Variants in DGKI observed in about 807,000 individuals in gnomAD.
DGKI encodes diacylglycerol kinase iota.
DGKI carries 55 observed loss-of-function variants against 147.5 expected under a neutral mutation model. That is an observed-to-expected ratio of 0.37 (90% CI 0.30 to 0.47). The LOEUF (loss-of-function observed/expected upper bound fraction) is 0.47, where lower values mean the gene tolerates loss of function less well. Among genes scored for constraint, DGKI ranks in the 20% least tolerant of loss-of-function variants. The probability of loss-of-function intolerance (pLI) is 1.00; values close to 1 mark genes in which losing one functional copy is unlikely to be tolerated. For missense variants in DGKI, 1,007 were observed against 1,323.8 expected, an observed-to-expected ratio of 0.76 and a Z score of 3.71; for synonymous variants, 469 against 477.1, an observed-to-expected ratio of 0.98 and a Z score of 0.22.
At chr7:137,659,736 T>G (rs1482656701) in intron 3 of DGKI, among the ~76,000 whole-genome samples, 1 of 152,130 alleles carries the variant, frequency 6.6e-6, no homozygotes, top group African/African-American at 2.4e-5. Context: ...ATCGAGACCA[T>G]CCTGGCTAAC....
At chr7:137,576,707 T>C (rs1818991417) in intron 17 of DGKI, among the ~76,000 whole-genome samples, 2 of 152,260 alleles carry the variant, frequency 1.3e-5, no homozygotes, top group Admixed American at 6.5e-5. Context: ...CTTGACCAGG[T>C]GGGAGAGTGA....
chr7:137,568,165 C>T (rs2128974325), intron 19 of DGKI, among the ~76,000 whole-genome samples: 1 of 152,268 alleles, frequency 6.6e-6, no homozygotes, highest in South Asian at 2.1e-4. Flanking sequence ...TGGCCCTTAC[C>T]CACATCTTTA....
At chr7:137,633,799 T>C (rs1184497472) in intron 6 of DGKI, among the ~76,000 whole-genome samples, 1 of 152,254 alleles carries the variant, frequency 6.6e-6, no homozygotes, top group East Asian at 1.9e-4. Flanking sequence ...GCAAGTGCTT[T>C]CAGGGTTAAC....
intron 3 of DGKI, among the ~76,000 whole-genome samples, chr7:137,657,010 T>G (rs1340360620): frequency 6.6e-6 from 1 of 152,218 alleles, no homozygotes; most frequent in Admixed American, 6.5e-5. Flanking sequence ...AGAGTCTAGA[T>G]TTCCAGGGGC....
intron 1 of DGKI, among the ~76,000 whole-genome samples, chr7:137,751,098 G>T (rs1173112148): frequency 6.6e-6 from 1 of 152,126 alleles, no homozygotes; most frequent in Non-Finnish European, 1.5e-5. Context: ...AAGCATCTTT[G>T]TGTCTATTAT....
intron 27 of DGKI, among the ~76,000 whole-genome samples, chr7:137,455,117 G>C (rs1814138488): frequency 6.6e-6 from 1 of 152,082 alleles, no homozygotes; most frequent in Non-Finnish European, 1.5e-5. Context: ...TTAGAAAATG[G>C]GAGACAAAAC....
intron 8 of DGKI, among the ~76,000 whole-genome samples, chr7:137,612,034 C>T (rs1399894690): frequency 2.0e-5 from 3 of 152,112 alleles, no homozygotes; most frequent in Non-Finnish European, 2.9e-5. Flanking sequence ...ACAGATCTAA[C>T]GCATCAGGCT....
At chr7:137,738,779 T>C (rs1365305850) in intron 1 of DGKI, among the ~76,000 whole-genome samples, 2 of 143,590 alleles carry the variant, frequency 1.4e-5, no homozygotes, top group African/African-American at 5.0e-5. Flanking sequence ...TTGTAAAGTC[T>C]GCCAGACTTC....
intron 20 of DGKI, among the ~76,000 whole-genome samples, chr7:137,534,930 T>G (rs1485827988): frequency 6.6e-6 from 1 of 152,120 alleles, no homozygotes; most frequent in Non-Finnish European, 1.5e-5. Flanking sequence ...ACTAGTGTCT[T>G]TTATATAAAG....
chr7:137,418,117 C>A (rs1812427096), intron 28 of DGKI, among the ~76,000 whole-genome samples: 1 of 152,142 alleles, frequency 6.6e-6, no homozygotes, highest in Non-Finnish European at 1.5e-5. Flanking sequence ...AAGTACAAAA[C>A]AAAATCTGGC....
intron 21 of DGKI, among the ~76,000 whole-genome samples, chr7:137,517,804 A>G (rs960556529): frequency 1.3e-5 from 2 of 152,176 alleles, no homozygotes; most frequent in Admixed American, 6.6e-5. Context: ...AGATCATCCT[A>G]TATGGGCATT....
intron 28 of DGKI, among the ~76,000 whole-genome samples, chr7:137,441,370 G>A (rs975463079): frequency 1.1e-4 from 15 of 140,518 alleles, no homozygotes; most frequent in East Asian, 2.2e-4. Context: ...GCAGTGAGCC[G>A]AGATCGTGCC....
chr7:137,554,052 C>G (rs1818138571), intron 19 of DGKI, among the ~76,000 whole-genome samples: 3 of 152,130 alleles, frequency 2.0e-5, no homozygotes, highest in Admixed American at 2.0e-4. Flanking sequence ...AATAAAACAA[C>G]AGCAAATATT....
intron 1 of DGKI, among the ~76,000 whole-genome samples, chr7:137,829,722 A>T (rs997068516): frequency 4.6e-5 from 7 of 152,220 alleles, no homozygotes; most frequent in Non-Finnish European, 8.8e-5. Flanking sequence ...GGATAAGATA[A>T]GTAATTTTCT....
chr7:137,383,659 C>A lies in DGKI; in HGVS notation c.*7561G>T, dbSNP rs1811110836. On this transcript the variant is annotated 3_prime_UTR_variant, in exon 33 of 33. Coordinates refer to ENST00000614521, the MANE Select transcript of DGKI (RefSeq NM_001321708.2). ...AACAACTTCACTGTTTTTCAGAAAG[C>A]CCAAACTGTTTTTCTGGATGCAATG... 6.6e-6 allele frequency: 1 copy of A among 151,864 alleles called. No individual in the cohort carries two copies. The highest frequency in any genetic ancestry group is 2.1e-4 in the South Asian group (1 of 4,810). The allele number at this position is 151,864 out of a possible 1,614,324, so 9.4% of individuals were successfully genotyped here. A position where few individuals can be genotyped will look rare whatever the true frequency, so the allele number is the denominator to read the frequency against.
chr7:137,832,341 C>T (rs1798243050), intron 1 of DGKI, among the ~76,000 whole-genome samples: 1 of 152,246 alleles, frequency 6.6e-6, no homozygotes, highest in Non-Finnish European at 1.5e-5. Context: ...TCTGCCTGGG[C>T]ATCCAGGCAT....
chr7:137,760,064 C>G (rs1291442761), intron 1 of DGKI, among the ~76,000 whole-genome samples: 1 of 152,126 alleles, frequency 6.6e-6, no homozygotes, highest in Non-Finnish European at 1.5e-5. Flanking sequence ...ACAGGGAATC[C>G]TCCTAATCCT....
At chr7:137,683,718 TCTC>T (rs1823319599) in intron 2 of DGKI, among the ~76,000 whole-genome samples, 1 of 152,146 alleles carries the variant, frequency 6.6e-6, no homozygotes, top group Admixed American at 6.5e-5. Flanking sequence ...GAAAAATAAC[TCTC>T]CTATTTCTAA....
chr7:137,428,605 T>C (rs1812921682), intron 28 of DGKI, among the ~76,000 whole-genome samples: 1 of 152,144 alleles, frequency 6.6e-6, no homozygotes, highest in South Asian at 2.1e-4. Flanking sequence ...AAAGAGGAAT[T>C]CAAATTGTCC....
Sources: gnomAD v4.1 joint callset for allele counts (sites outside exome capture counted in the v4.1 genomes callset) on GRCh38, gnomAD v4.1.1 for gene constraint, MANE v1.5 for transcripts, NCBI Gene and HGNC (gene_info 2026-07-23, HGNC 2026-07-21) for gene names.